Variants in WDR72 observed in about 807,000 individuals in gnomAD.
WDR72 encodes WD repeat-containing protein 72.
In WDR72, 120 loss-of-function variants were observed where a neutral mutation model predicts 124.2. The observed-to-expected ratio is 0.97, with a 90% CI of 0.83 to 1.12. The LOEUF is 1.12. WDR72 is among the 50% of genes most tolerant of loss of function. The pLI, the probability that WDR72 is intolerant of heterozygous loss-of-function variation, is 0.00. For synonymous variants in WDR72, 452 were observed against 441.7 expected, an observed-to-expected ratio of 1.02 and a Z score of -0.29; for missense variants, 1,387 against 1,278.8, an observed-to-expected ratio of 1.08 and a Z score of -1.29.
At chr15:53,527,677 T>C (rs1892204601) in intron 18 of WDR72, among the ~76,000 whole-genome samples, 1 of 151,980 alleles carries the variant, frequency 6.6e-6, no homozygotes, top group African/African-American at 2.4e-5. Flanking sequence ...GATAGAGCAG[T>C]TTGAAATATT....
At chr15:53,706,798 T>A (rs1385822613) in intron 9 of WDR72, among the ~76,000 whole-genome samples, 1 of 152,032 alleles carries the variant, frequency 6.6e-6, no homozygotes, top group Non-Finnish European at 1.5e-5. Context: ...GATTCCATAA[T>A]TTATAATGGT....
rs780518430 is a variant in WDR72, at chr15:53,615,773, T to G, written c.2433A>C (p.Leu811Phe). Residue 811 changes from leucine to phenylalanine, a missense_variant, in exon 15 of 20, where the codon TTA becomes TTC. Coordinates refer to ENST00000360509, the MANE Select transcript of WDR72 (RefSeq NM_182758.4). Reference sequence around the variant, plus strand: ...TGAGGTGCTTAATGCAAAGATAATCTAAATCTTTATCCACTCCCCATGGCA... The same window carrying G: ...TGAGGTGCTTAATGCAAAGATAATCGAAATCTTTATCCACTCCCCATGGCA... ...CLLPWGVDKD[L>F]DYLCIKHLNI... The G allele has an allele frequency of 6.2e-7, 1 of 1,613,542 alleles. No individual in the cohort carries two copies. Among genetic ancestry groups the G allele is most frequent in the Admixed American group, 1.7e-5 (1 of 59,908 alleles).
chr15:53,629,533 T>A (rs2014342309), intron 14 of WDR72, among the ~76,000 whole-genome samples: 1 of 151,740 alleles, frequency 6.6e-6, no homozygotes, highest in Admixed American at 6.6e-5. Flanking sequence ...TTAGAAATAT[T>A]AGGAAAAGTA....
chr15:53,733,939 C>T (rs2018276431), intron 1 of WDR72, among the ~76,000 whole-genome samples: 1 of 152,044 alleles, frequency 6.6e-6, no homozygotes, highest in South Asian at 2.1e-4. Context: ...TTTTGGGAGA[C>T]AATTTAGCAT....
intron 14 of WDR72, among the ~76,000 whole-genome samples, chr15:53,644,312 T>C (rs2014963878): frequency 6.6e-6 from 1 of 152,160 alleles, no homozygotes; most frequent in Admixed American, 6.6e-5. Context: ...TACATAGTTT[T>C]TCTTAAGATG....
intron 18 of WDR72, among the ~76,000 whole-genome samples, chr15:53,593,537 A>G (rs11857733): frequency 0.32 from 49,067 of 151,906 alleles, 8,688 homozygotes; most frequent in Middle Eastern, 0.55. Context: ...CAAGGTGGGC[A>G]GATTGCTGGA....
At chr15:53,568,056 A>G (rs1894364801) in intron 18 of WDR72, among the ~76,000 whole-genome samples, 1 of 109,726 alleles carries the variant, frequency 9.1e-6, no homozygotes, top group Admixed American at 1.2e-4. Flanking sequence ...ATTTGATTCT[A>G]GGCATTTTTT....
chr15:53,602,303 A>C (rs2013079337), intron 17 of WDR72, among the ~76,000 whole-genome samples: 1 of 152,154 alleles, frequency 6.6e-6, no homozygotes, highest in African/African-American at 2.4e-5. Flanking sequence ...CAAAGATACA[A>C]TATACCAGAA....
chr15:53,603,723 C>T (rs142620673), intron 17 of WDR72, among the ~76,000 whole-genome samples: 1 of 152,190 alleles, frequency 6.6e-6, no homozygotes, highest in African/African-American at 2.4e-5. Flanking sequence ...AAACGAACTC[C>T]CATTCACAAT....
intron 1 of WDR72, among the ~76,000 whole-genome samples, chr15:53,742,452 C>G (rs764467576): frequency 3.3e-5 from 5 of 152,084 alleles, no homozygotes; most frequent in Non-Finnish European, 7.4e-5. Flanking sequence ...TCTATCATAG[C>G]CCTCAATTTA....
At chr15:53,682,276 C>A (rs2140481783) in intron 13 of WDR72, among the ~76,000 whole-genome samples, 1 of 152,230 alleles carries the variant, frequency 6.6e-6, no homozygotes, top group South Asian at 2.1e-4. Flanking sequence ...CCATGTTCAC[C>A]ACATGGAACT....
At chr15:53,633,973 A>G (rs2140399396) in intron 14 of WDR72, among the ~76,000 whole-genome samples, 1 of 152,340 alleles carries the variant, frequency 6.6e-6, no homozygotes, top group East Asian at 1.9e-4. Context: ...AAAATCCTCA[A>G]TAAATTTAAA....
Position 53,516,134 on chromosome 15 carries a change from G to T in WDR72, c.*1565C>A, listed in dbSNP as rs915592013. On this transcript the variant is annotated 3_prime_UTR_variant, in exon 20 of 20. Transcript: ENST00000360509. ...TATATTTATCAATCAGTTTTCAAAG[G>T]ATAATAATTTTCCATGATTATTCAT... The T allele has an allele frequency of 1.3e-5, 2 of 152,024 alleles. No individual in the cohort carries two copies. The highest frequency in any genetic ancestry group is 1.3e-4 in the Admixed American group (2 of 15,244). The allele number at this position is 152,024 out of a possible 1,614,324, so 9.4% of individuals were successfully genotyped here. A position where few individuals can be genotyped will look rare whatever the true frequency, so the allele number is the denominator to read the frequency against.
At chr15:53,747,339 T>C (rs530970906) in intron 1 of WDR72, among the ~76,000 whole-genome samples, 3 of 152,226 alleles carry the variant, frequency 2.0e-5, no homozygotes, top group Non-Finnish European at 4.4e-5. Flanking sequence ...CACTGGAACA[T>C]GACTATTTCG....
rs2017533527 is a variant in WDR72, at chr15:53,711,381, A to G, written c.812T>C (p.Ile271Thr). 1.2e-6 allele frequency: 2 copies of G among 1,614,072 alleles called. No homozygotes were observed. Among genetic ancestry groups the G allele is most frequent in the East Asian group, 2.2e-5 (1 of 44,890 alleles). Residue 271 changes from isoleucine (I) to threonine (T), a missense_variant, in exon 8 of 20, where the codon ATC becomes ACC. Ile to Thr is a moderately conservative substitution (Grantham distance 89). Coordinates refer to ENST00000360509, the MANE Select transcript of WDR72 (RefSeq NM_182758.4). ...GTAACTGTGACCATCTTCTGTCCAG[A>G]TGAGGATTCTGTGAGCAGCAATCAC... Reference protein sequence around the residue: ...GEVIAAHRILIWTEDGHSYIY... With the variant: ...GEVIAAHRILTWTEDGHSYIY...
intron 18 of WDR72, among the ~76,000 whole-genome samples, chr15:53,568,159 T>A (rs868384817): frequency 7.9e-5 from 12 of 151,268 alleles, no homozygotes; most frequent in Admixed American, 1.3e-4. Context: ...TAGGTAAATT[T>A]AAAAAAATTA....
chr15:53,647,573 C>T (rs2015085996), intron 14 of WDR72, among the ~76,000 whole-genome samples: 1 of 152,006 alleles, frequency 6.6e-6, no homozygotes, highest in African/African-American at 2.4e-5. Flanking sequence ...GCTCCCTCTC[C>T]TCAGTCATCG....
chr15:53,703,516 A>C lies in WDR72; in HGVS notation c.1349-1162T>G, dbSNP rs2017248523. Among the ~76,000 whole-genome samples, 2 of 151,862 alleles carry C rather than the reference A, an allele frequency of 1.3e-5. 1 individual carries two copies. Among genetic ancestry groups the C allele is most frequent in the Non-Finnish European group, 2.9e-5 (2 of 67,992 alleles). The stretch of plus-strand genomic sequence containing the variant: ...CTCTTAACCACAGATGTTACATCTG[A>C]AAATTTAGGATAATAATATTCCTTA... On this transcript the variant is annotated intron_variant, in intron 11 of 19. Coordinates refer to ENST00000360509, the MANE Select transcript of WDR72 (RefSeq NM_182758.4).
chr15:53,761,458 C>T (rs891329574), upstream of WDR72, among the ~76,000 whole-genome samples: 2 of 152,166 alleles, frequency 1.3e-5, no homozygotes, highest in South Asian at 4.1e-4. Flanking sequence ...CCAGCAATTC[C>T]TCTGCTGGAT....
Sources: gnomAD v4.1 joint callset for allele counts (sites outside exome capture counted in the v4.1 genomes callset) on GRCh38, gnomAD v4.1.1 for gene constraint, MANE v1.5 for transcripts, NCBI Gene and HGNC (gene_info 2026-07-23, HGNC 2026-07-21) for gene names.